SNX29: variants seen among roughly 807,000 people sequenced by gnomAD.
SNX29 encodes the protein sorting nexin 29.
Under a neutral mutation model 102.1 loss-of-function variants are expected in SNX29, and 78 were observed. That is an observed-to-expected ratio of 0.76 (90% CI 0.64 to 0.92). The LOEUF (loss-of-function observed/expected upper bound fraction) is 0.92. Ranked by LOEUF, SNX29 falls within the 40% of genes least tolerant of loss-of-function variation. The pLI, the probability that SNX29 is intolerant of heterozygous loss-of-function variation, is 0.00. For synonymous variants in SNX29, 580 were observed against 414.5 expected (o/e 1.40, Z -4.85); for missense variants, 1,280 against 1,061.7 (o/e 1.21, Z -2.86).
At chr16:12,476,744 A>G (rs1446288197) in intron 18 of SNX29, among the ~76,000 whole-genome samples, 1 of 152,108 alleles carries the variant, frequency 6.6e-6, no homozygotes, top group Non-Finnish European at 1.5e-5. Flanking sequence ...CTGTTCACAG[A>G]ATAATGTGAG....
chr16:11,995,556 C>G (rs530767258), intron 1 of SNX29, among the ~76,000 whole-genome samples: 15 of 151,668 alleles, frequency 9.9e-5, no homozygotes, highest in East Asian at 5.8e-4. Flanking sequence ...TTCTTCCCCC[C>G]CCACCCCATC....
intron 11 of SNX29, among the ~76,000 whole-genome samples, chr16:12,079,883 T>G (rs2051778003): frequency 6.6e-6 from 1 of 152,216 alleles, no homozygotes; most frequent in Non-Finnish European, 1.5e-5. Flanking sequence ...CGTCTATTTC[T>G]ACATATAGGA....
Position 12,052,098 on chromosome 16 carries a change from G to A in SNX29, c.1000G>A (p.Glu334Lys). The A allele has an allele frequency of 6.2e-7, 1 of 1,613,970 alleles. No individual in the cohort carries two copies. Among genetic ancestry groups the A allele is most frequent in the Non-Finnish European group, 8.5e-7 (1 of 1,179,872 alleles). ...WKIDSLSLNG[E>K]FGYQKLDVKS... Reference sequence around the variant, plus strand: ...AATTGATTCCCTGTCTTTGAACGGGGAGTTTGGGTACCAGAAGCTTGATGT... The same window carrying A: ...AATTGATTCCCTGTCTTTGAACGGGAAGTTTGGGTACCAGAAGCTTGATGT... The change falls in exon 8 of 21, where the codon GAG becomes AAG. Residue 334 changes from glutamate (E) to lysine (K), a missense_variant. Glu to Lys is a moderately conservative substitution (Grantham distance 56). Coordinates refer to ENST00000566228, the MANE Select transcript of SNX29 (RefSeq NM_032167.5).
chr16:12,238,774 G>T (rs1338114042), intron 14 of SNX29, among the ~76,000 whole-genome samples: 1 of 152,158 alleles, frequency 6.6e-6, no homozygotes, highest in Admixed American at 6.5e-5. Context: ...AATGAACAAC[G>T]TATCTTTCCT....
intron 20 of SNX29, among the ~76,000 whole-genome samples, chr16:12,536,598 CACTA>C (rs1461495449): frequency 3.9e-5 from 6 of 152,264 alleles, no homozygotes; most frequent in Non-Finnish European, 7.4e-5. Flanking sequence ...ACAGAGAACG[CACTA>C]ACTAGTTTGG....
At chr16:12,351,480 G>C (rs1231148647) in intron 15 of SNX29, among the ~76,000 whole-genome samples, 2 of 152,206 alleles carry the variant, frequency 1.3e-5, no homozygotes, top group East Asian at 1.9e-4. Flanking sequence ...AATTAATCAA[G>C]AAGCATCTAA....
chr16:12,409,493 A>C (rs976943130), intron 18 of SNX29, among the ~76,000 whole-genome samples: 28 of 137,216 alleles, frequency 2.0e-4, no homozygotes, highest in African/African-American at 7.7e-4. Flanking sequence ...AAGTGGCGCA[A>C]TCTTGGTTCA....
At chr16:12,142,331 G>A (rs1597029158) in intron 13 of SNX29, among the ~76,000 whole-genome samples, 2 of 152,128 alleles carry the variant, frequency 1.3e-5, no homozygotes, top group East Asian at 3.9e-4. Flanking sequence ...AGTGAGTTGT[G>A]CCCTTCGCCA....
At chr16:12,437,730 A>G (rs1342210949) in intron 18 of SNX29, among the ~76,000 whole-genome samples, 3 of 151,988 alleles carry the variant, frequency 2.0e-5, no homozygotes, top group East Asian at 1.9e-4. Flanking sequence ...TATCTCCACC[A>G]TCTTCCCCTT....
At chr16:12,106,007 C>T (rs2053221106) in intron 11 of SNX29, among the ~76,000 whole-genome samples, 1 of 152,190 alleles carries the variant, frequency 6.6e-6, no homozygotes, top group African/African-American at 2.4e-5. Context: ...TCATAAGCCT[C>T]AGCCGTGGCT....
chr16:12,306,794 C>G (rs990816202), intron 15 of SNX29, among the ~76,000 whole-genome samples: 31 of 152,246 alleles, frequency 2.0e-4, no homozygotes, highest in African/African-American at 7.5e-4. Context: ...ACAACCTTGT[C>G]AGCCGAGCTG....
chr16:12,299,714 C>A (rs1243944114), intron 15 of SNX29, among the ~76,000 whole-genome samples: 2 of 151,972 alleles, frequency 1.3e-5, no homozygotes, highest in African/African-American at 4.8e-5. Context: ...TTTCCCCCAC[C>A]CCATCCCTTC....
chr16:12,186,227 T>G (rs2076506337), intron 13 of SNX29, among the ~76,000 whole-genome samples: 1 of 152,168 alleles, frequency 6.6e-6, no homozygotes, highest in Non-Finnish European at 1.5e-5. Context: ...GGAACTTCTT[T>G]TTTTAAAAAA....
At chr16:12,246,122 GGGT>G (rs2078253466) in intron 14 of SNX29, among the ~76,000 whole-genome samples, 1 of 152,186 alleles carries the variant, frequency 6.6e-6, no homozygotes, top group African/African-American at 2.4e-5. Flanking sequence ...ATGACCAAGA[GGGT>G]GTCAACCTAT....
rs770848566 is a variant in SNX29 at position 12,199,611 on chromosome 16, G to A, written c.1606G>A (p.Val536Met). 1 of 1,612,654 alleles carries A rather than the reference G, an allele frequency of 6.2e-7. No individual in the cohort carries two copies. Among genetic ancestry groups the A allele is most frequent in the South Asian group, 1.1e-5 (1 of 90,726 alleles). The change falls in exon 14 of 21, where the codon GTG becomes ATG. Residue 536 changes from valine to methionine, a missense_variant. Coordinates refer to ENST00000566228, the MANE Select transcript of SNX29 (RefSeq NM_032167.5). ...KVQALARENE[V>M]LKVQLKKYVG... ...TTCTTGTACCTGCAGAGAGAACGAG[G>A]TGCTCAAAGTCCAACTGAAGAAATA...
intron 15 of SNX29, among the ~76,000 whole-genome samples, chr16:12,300,687 C>T (rs1343685688): frequency 6.6e-6 from 1 of 152,198 alleles, no homozygotes; most frequent in Non-Finnish European, 1.5e-5. Flanking sequence ...GAGTTCCAGG[C>T]ACACGTTGCT....
chr16:12,176,597 A>G (rs2076266036), intron 13 of SNX29, among the ~76,000 whole-genome samples: 1 of 152,204 alleles, frequency 6.6e-6, no homozygotes, highest in African/African-American at 2.4e-5. Context: ...ATTATAAGTA[A>G]TCTAGAGGTG....
intron 14 of SNX29, among the ~76,000 whole-genome samples, chr16:12,235,943 T>A (rs761971917): frequency 1.3e-5 from 2 of 152,154 alleles, no homozygotes; most frequent in Non-Finnish European, 2.9e-5. Context: ...ACTTAGGGAT[T>A]ACTGGAAAAG....
At chr16:12,563,347 C>G (rs552575864) in intron 20 of SNX29, among the ~76,000 whole-genome samples, 2 of 152,186 alleles carry the variant, frequency 1.3e-5, no homozygotes, top group Non-Finnish European at 2.9e-5. Flanking sequence ...TGGCCATTAT[C>G]CTGAGCCTGT....
Sources: gnomAD v4.1 joint callset for allele counts (sites outside exome capture counted in the v4.1 genomes callset) on GRCh38, gnomAD v4.1.1 for gene constraint, MANE v1.5 for transcripts, NCBI Gene and HGNC (gene_info 2026-07-23, HGNC 2026-07-21) for gene names.